GMPS: variants seen among roughly 807,000 people sequenced by gnomAD.
GMPS encodes GMP synthase [glutamine-hydrolyzing].
A neutral mutation model predicts 77.9 loss-of-function variants in GMPS; 15 were observed. That is an observed-to-expected ratio of 0.19 (90% confidence interval 0.13 to 0.30). The LOEUF (loss-of-function observed/expected upper bound fraction) is 0.30, where lower values mean the gene tolerates loss of function less well. Among genes scored for constraint, GMPS ranks in the 10% least tolerant of loss-of-function variants. The probability of loss-of-function intolerance (pLI) is 1.00; values close to 1 mark genes in which losing one functional copy is unlikely to be tolerated. For missense variants in GMPS, 590 were observed against 838.8 expected (o/e 0.70, Z 3.66); for synonymous variants, 224 against 275.9 (o/e 0.81, Z 1.86).
intron 1 of GMPS, among the ~76,000 whole-genome samples, chr3:155,874,908 T>C (rs969880557): frequency 1.4e-5 from 2 of 139,142 alleles, no homozygotes; most frequent in Non-Finnish European, 3.1e-5. Context: ...TTTCTTTTTT[T>C]TTTTTTTTTT....
At chr3:155,934,720 G>A (rs1195378076) in intron 13 of GMPS, among the ~76,000 whole-genome samples, 196 bp from the exon 14 acceptor site, 3 of 152,096 alleles carry the variant, frequency 2.0e-5, no homozygotes, top group Non-Finnish European at 2.9e-5. Context: ...AGGAAAACAC[G>A]TAGAACACAG....
At chr3:155,906,920 T>C (rs1166939718) in intron 5 of GMPS, among the ~76,000 whole-genome samples, 1 of 152,172 alleles carries the variant, frequency 6.6e-6, no homozygotes, top group Non-Finnish European at 1.5e-5. Context: ...TTCTGGCTGT[T>C]TGGGGTTTTG....
intron 12 of GMPS, among the ~76,000 whole-genome samples, chr3:155,929,651 G>T (rs1179938499): frequency 2.2e-5 from 3 of 139,270 alleles, no homozygotes; most frequent in African/African-American, 8.0e-5. Context: ...AAGCTGATAA[G>T]CAACTTCAGC....
rs762289791 is a variant in GMPS at position 155,938,174 on chromosome 3, G to A, written c.*482G>A. The A allele has an allele frequency of 1.1e-4, 25 of 222,484 alleles. No homozygotes were observed. Among genetic ancestry groups the A allele is most frequent in the Non-Finnish European group, 2.1e-4 (23 of 111,506 alleles). The allele number at this position is 222,484 out of a possible 1,614,324, so 13.8% of individuals were successfully genotyped here. ...GGGTGAAAAAGAGATGAACATATCA[G>A]ATAAAGGTATAGGTGGGCTATTCCA... On this transcript the variant is annotated 3_prime_UTR_variant, in exon 16 of 16. Coordinates refer to ENST00000496455, the MANE Select transcript of GMPS (RefSeq NM_003875.3).
At chr3:155,918,656 G>A (rs1755243985) in intron 9 of GMPS, among the ~76,000 whole-genome samples, 1 of 152,108 alleles carries the variant, frequency 6.6e-6, no homozygotes, top group Non-Finnish European at 1.5e-5. Flanking sequence ...GGATATAAGT[G>A]TAGGTTTGTT....
chr3:155,924,515 CA>C (rs1246184531), intron 11 of GMPS, among the ~76,000 whole-genome samples: 1 of 152,118 alleles, frequency 6.6e-6, no homozygotes, highest in African/African-American at 2.4e-5. Context: ...TCCTTGTTAA[CA>C]CTTAAGGACA....
rs1755839184 is a variant in GMPS, at chr3:155,939,478, A to G, written c.*1786A>G. 4.9e-6 allele frequency: 1 copy of G among 205,252 alleles called. No homozygotes were observed. The highest frequency in any genetic ancestry group is 1.0e-5 in the Non-Finnish European group (1 of 100,148). The allele number at this position is 205,252 out of a possible 1,614,324, so 12.7% of individuals were successfully genotyped here. A position where few individuals can be genotyped will look rare whatever the true frequency, so the allele number is the denominator to read the frequency against. On this transcript the variant is annotated 3_prime_UTR_variant, in exon 16 of 16. Transcript: ENST00000496455. Reference sequence around the variant, plus strand: ...CTGCTCCACTGAGAAGGTCCATGTAAAAAGGATTAGGTGGTCATATAAGTT... The same window carrying G: ...CTGCTCCACTGAGAAGGTCCATGTAGAAAGGATTAGGTGGTCATATAAGTT...
At chr3:155,872,591 G>C (rs1348521991) in intron 1 of GMPS, among the ~76,000 whole-genome samples, 1 of 152,134 alleles carries the variant, frequency 6.6e-6, no homozygotes, top group Non-Finnish European at 1.5e-5. Context: ...AAAAGTATAA[G>C]ATTTGTTTCC....
Position 155,885,433 on chromosome 3 carries a change from G to A in GMPS, c.28-8085G>A, listed in dbSNP as rs1408906932. Among the ~76,000 whole-genome samples the A allele has an allele frequency of 2.6e-5, 4 of 152,092 alleles. No homozygotes were observed. In the South Asian group the frequency reaches 6.2e-4, roughly 24 times the overall value. On this transcript the variant is annotated intron_variant, in intron 1 of 15. Transcript: ENST00000496455. ...AACAAAAGTTAGTGATCATAATTTA[G>A]GCAACATGAAACAGTTGGTAATTGG... is the stretch of plus-strand genomic sequence containing the variant.
At chr3:155,873,343 A>G (rs1753947110) in intron 1 of GMPS, among the ~76,000 whole-genome samples, 1 of 152,056 alleles carries the variant, frequency 6.6e-6, no homozygotes, top group Non-Finnish European at 1.5e-5. Flanking sequence ...GCTGGAGTGC[A>G]GTGGTGTGAT....
At chr3:155,894,609 A>G (rs1389789540) in intron 2 of GMPS, among the ~76,000 whole-genome samples, 1 of 151,944 alleles carries the variant, frequency 6.6e-6, no homozygotes, top group African/African-American at 2.4e-5. Flanking sequence ...ACTGTAGTTT[A>G]TGTCCTTAAT....
chr3:155,899,763 C>T (rs1754688871), intron 3 of GMPS, among the ~76,000 whole-genome samples: 1 of 152,212 alleles, frequency 6.6e-6, no homozygotes, highest in African/African-American at 2.4e-5. Context: ...GTTCATCCCC[C>T]ATATCCTGGC....
chr3:155,910,900 A>G lies in GMPS; in HGVS notation c.720+15A>G. 6.6e-7 allele frequency: 1 copy of G among 1,514,334 alleles called. No individual in the cohort carries two copies. Among genetic ancestry groups the G allele is most frequent in the Non-Finnish European group, 9.0e-7 (1 of 1,111,746 alleles). 93.8% of individuals were successfully genotyped at this position (1,514,334 alleles called of 1,614,324 possible). A position where few individuals can be genotyped will look rare whatever the true frequency, so the allele number is the denominator to read the frequency against. On this transcript the variant is annotated intron_variant, in intron 6 of 15. Transcript: ENST00000496455. ...CAAAAGTTTTGGTAAGCAAATTATT[A>G]TCTGGAAGTCTACAAATTTATATCA...
At chr3:155,897,316 G>A (rs1754627273) in intron 2 of GMPS, among the ~76,000 whole-genome samples, 1 of 152,144 alleles carries the variant, frequency 6.6e-6, no homozygotes, top group Admixed American at 6.5e-5. Flanking sequence ...CAAATTATAA[G>A]ATAGCTAAAT....
intron 11 of GMPS, among the ~76,000 whole-genome samples, chr3:155,923,273 A>G (rs1053180947): frequency 2.0e-5 from 3 of 152,188 alleles, no homozygotes; most frequent in Non-Finnish European, 4.4e-5. Context: ...AGTTGTTTAG[A>G]GATTATCCAG....
At chr3:155,870,923 C>A in intron 1 of GMPS, 26 bp downstream of exon 1, 3 of 1,454,116 alleles carry the variant, frequency 2.1e-6, no homozygotes, top group Non-Finnish European at 2.7e-6. Context: ...CCTGCAGCAC[C>A]GCATCCCGGC....
In GMPS at chr3:155,938,890, G is replaced by A. The variant is rs944961807; in HGVS notation, c.*1198G>A. ...AGACAGTAGTAGACTTAAACTCTCC[G>A]TTTCTCTCAGTATTTTAGCTAAGAA... On this transcript the variant is annotated 3_prime_UTR_variant, in exon 16 of 16. Transcript: ENST00000496455. The A allele has an allele frequency of 2.8e-5, 6 of 214,750 alleles. No individual in the cohort carries two copies. Among genetic ancestry groups the A allele is most frequent in the East Asian group, 6.9e-5 (1 of 14,390 alleles). The allele number at this position is 214,750 out of a possible 1,614,324, so 13.3% of individuals were successfully genotyped here.
At chr3:155,931,969 C>A in intron 13 of GMPS, 89 bp downstream of exon 13, 1 of 664,586 alleles carries the variant, frequency 1.5e-6, no homozygotes, top group Non-Finnish European at 2.7e-6. Flanking sequence ...CCAAAAGGCT[C>A]AAATGTAGAT....
chr3:155,908,644 A>G (rs910746419), intron 5 of GMPS, among the ~76,000 whole-genome samples: 1 of 152,136 alleles, frequency 6.6e-6, no homozygotes, highest in Non-Finnish European at 1.5e-5. Flanking sequence ...TTGAATATGG[A>G]GTGGGGAAGA....
Sources: allele counts gnomAD v4.1 joint callset (sites outside exome capture counted in the v4.1 genomes callset), GRCh38; gene constraint gnomAD v4.1.1; transcripts MANE v1.5; gene names NCBI Gene and HGNC (gene_info 2026-07-23, HGNC 2026-07-21).